The following MAD1L1 variants were observed in gnomAD, a reference collection of about 807,000 sequenced individuals.
MAD1L1 encodes the protein mitotic spindle assembly checkpoint protein MAD1.
A neutral mutation model predicts 96.9 loss-of-function variants in MAD1L1; 95 were observed. That is an observed-to-expected ratio of 0.98 (90% confidence interval 0.83 to 1.16). The LOEUF (loss-of-function observed/expected upper bound fraction) is 1.16. MAD1L1 is among the 50% of genes most tolerant of loss of function. MAD1L1 has a pLI of 0.00. For synonymous variants in MAD1L1, 473 were observed against 396.6 expected (o/e 1.19, Z -2.29); for missense variants, 1,007 against 954.4 (o/e 1.06, Z -0.73).
chr7:2,164,429 A>T (rs746310032), intron 10 of MAD1L1, among the ~76,000 whole-genome samples: 1 of 152,198 alleles, frequency 6.6e-6, no homozygotes, highest in Non-Finnish European at 1.5e-5. Flanking sequence ...CCCGGCAGTC[A>T]GTGGAAAACC....
At chr7:2,201,691 C>G (rs1287786334) in intron 10 of MAD1L1, among the ~76,000 whole-genome samples, 1 of 152,228 alleles carries the variant, frequency 6.6e-6, no homozygotes, top group African/African-American at 2.4e-5. Context: ...TCCACCCGGA[C>G]ACGCCGCAGA....
chr7:2,216,667 C>G (rs1793300514), intron 7 of MAD1L1, among the ~76,000 whole-genome samples: 1 of 152,188 alleles, frequency 6.6e-6, no homozygotes, highest in South Asian at 2.1e-4. Flanking sequence ...GTGCTCCACT[C>G]TACCAGGGTA....
At chr7:1,902,427 G>A (rs889673128) in intron 17 of MAD1L1, among the ~76,000 whole-genome samples, 2 of 152,250 alleles carry the variant, frequency 1.3e-5, no homozygotes, top group African/African-American at 4.8e-5. Context: ...TAGGGACAGA[G>A]ATGCCGGGGC....
intron 10 of MAD1L1, among the ~76,000 whole-genome samples, chr7:2,155,681 C>T (rs1460388709): frequency 6.6e-6 from 1 of 152,230 alleles, no homozygotes; most frequent in Non-Finnish European, 1.5e-5. Context: ...TGTGTGGCTA[C>T]ACAACGTTTA....
At chr7:2,096,828 C>T (rs1225802372) in intron 11 of MAD1L1, among the ~76,000 whole-genome samples, 1 of 152,146 alleles carries the variant, frequency 6.6e-6, no homozygotes, top group East Asian at 1.9e-4. Flanking sequence ...GGCACAGACC[C>T]ATGGTACAGC....
intron 11 of MAD1L1, among the ~76,000 whole-genome samples, chr7:2,102,717 T>G (rs1295695586): frequency 6.8e-6 from 1 of 147,612 alleles, no homozygotes; most frequent in Non-Finnish European, 1.5e-5. Context: ...ACCAGCACTC[T>G]CACCACGTCC....
intron 15 of MAD1L1, among the ~76,000 whole-genome samples, chr7:1,966,717 T>C (rs1389529507): frequency 6.6e-6 from 1 of 152,092 alleles, no homozygotes; most frequent in Non-Finnish European, 1.5e-5. Context: ...AAAAACTGTG[T>C]GACCTCAAAG....
At chr7:2,145,990 G>A (rs549381846) in intron 11 of MAD1L1, among the ~76,000 whole-genome samples, 85 of 152,334 alleles carry the variant, frequency 5.6e-4, no homozygotes, top group African/African-American at 1.9e-3. Context: ...GCTCTGTTCC[G>A]CACATCAGAT....
chr7:1,890,885 G>A (rs1363866495), intron 18 of MAD1L1, among the ~76,000 whole-genome samples: 1 of 152,226 alleles, frequency 6.6e-6, no homozygotes, highest in East Asian at 1.9e-4. Context: ...TCCTGGGGAG[G>A]TGCACAGCCT....
intron 14 of MAD1L1, among the ~76,000 whole-genome samples, chr7:1,983,514 T>C (rs1781021347): frequency 6.6e-6 from 1 of 152,272 alleles, no homozygotes. Context: ...TTTTTAAGTT[T>C]ATTAAAATGG....
intron 18 of MAD1L1, among the ~76,000 whole-genome samples, chr7:1,866,092 CT>C (rs1183975439): frequency 6.6e-6 from 1 of 152,254 alleles, no homozygotes; most frequent in Admixed American, 6.5e-5. Flanking sequence ...CGAGTGCCCC[CT>C]GACAGACCGT....
Position 2,181,051 on chromosome 7 carries a change from T to C in MAD1L1, c.987-31813A>G, listed in dbSNP as rs572769466. On this transcript the variant is annotated intron_variant, in intron 10 of 18. Transcript: ENST00000265854. ...CAGGTTTGCTGATTCTTTCTTCTGC[T>C]GCTCAAATATGCCGGTGAGCTTATC... Among the ~76,000 whole-genome samples, 20 of 152,364 alleles carry C rather than the reference T, an allele frequency of 1.3e-4. No homozygotes were observed. The South Asian group carries it at 3.1e-3, about 24-fold the overall frequency.
chr7:1,972,281 T>A (rs766738470), intron 15 of MAD1L1, among the ~76,000 whole-genome samples: 1 of 152,218 alleles, frequency 6.6e-6, no homozygotes, highest in African/African-American at 2.4e-5. Flanking sequence ...GTCAAATTGA[T>A]CTTAATTATT....
chr7:1,842,296 G>A (rs935282202), intron 18 of MAD1L1, among the ~76,000 whole-genome samples: 2 of 152,156 alleles, frequency 1.3e-5, no homozygotes, highest in African/African-American at 2.4e-5. Context: ...CTGTGCTCCC[G>A]CTCCGTGTGG....
At chr7:2,214,793 C>T (rs117206014) in intron 9 of MAD1L1, among the ~76,000 whole-genome samples, 1,644 of 152,330 alleles carry the variant, frequency 0.011, 13 homozygotes, top group Non-Finnish European at 0.016. Context: ...CACCTTCCTA[C>T]CAACTGCCGC....
At chr7:2,148,193 C>A (rs1789401708) in intron 11 of MAD1L1, among the ~76,000 whole-genome samples, 1 of 152,258 alleles carries the variant, frequency 6.6e-6, no homozygotes, top group South Asian at 2.1e-4. Flanking sequence ...AAACCTCCTT[C>A]TGGCTATTAA....
At chr7:1,829,303 G>T (rs1225921336) in intron 18 of MAD1L1, among the ~76,000 whole-genome samples, 1 of 152,120 alleles carries the variant, frequency 6.6e-6, no homozygotes, top group Non-Finnish European at 1.5e-5. Flanking sequence ...CGTCACAGCA[G>T]CCGTGACTTC....
chr7:2,122,748 C>T (rs1185320978), intron 11 of MAD1L1, among the ~76,000 whole-genome samples: 1 of 152,254 alleles, frequency 6.6e-6, no homozygotes, highest in African/African-American at 2.4e-5. Context: ...AGAGCCACGA[C>T]TGCCACCTGT....
intron 10 of MAD1L1, among the ~76,000 whole-genome samples, chr7:2,172,004 G>C (rs1790730794): frequency 6.6e-6 from 1 of 152,146 alleles, no homozygotes; most frequent in African/African-American, 2.4e-5. Context: ...CAACACTGCT[G>C]TGTGGGTTCA....
Sources: allele counts gnomAD v4.1 joint callset (sites outside exome capture counted in the v4.1 genomes callset), GRCh38; gene constraint gnomAD v4.1.1; transcripts MANE v1.5; gene names NCBI Gene and HGNC (gene_info 2026-07-23, HGNC 2026-07-21).